Variants in KCNT2 observed in about 807,000 individuals in gnomAD.
The protein encoded by KCNT2 is potassium sodium-activated channel subfamily T member 2, also known as potassium channel subfamily T member 2.
KCNT2 carries 67 observed loss-of-function variants against 153.8 expected under a neutral mutation model. That is an observed-to-expected ratio of 0.44 (90% CI 0.36 to 0.53). The LOEUF is 0.53. KCNT2 is among the 20% of genes least tolerant of loss of function. The probability of loss-of-function intolerance (pLI) is 0.00; values close to 1 mark genes in which losing one functional copy is unlikely to be tolerated. For missense variants in KCNT2, 975 were observed against 1,354.8 expected, an observed-to-expected ratio of 0.72 and a Z score of 4.40; for synonymous variants, 500 against 458.8, an observed-to-expected ratio of 1.09 and a Z score of -1.15.
At chr1:196,334,862 C>T (rs1664862335) in intron 16 of KCNT2, among the ~76,000 whole-genome samples, 1 of 151,836 alleles carries the variant, frequency 6.6e-6, no homozygotes, top group Admixed American at 6.6e-5. Flanking sequence ...GGAGAGAAGG[C>T]CACTGTGAAG....
chr1:196,589,425 A>T (rs1572909750), intron 1 of KCNT2, among the ~76,000 whole-genome samples: 2 of 152,224 alleles, frequency 1.3e-5, no homozygotes, highest in East Asian at 3.9e-4. Context: ...AATGTCAAAA[A>T]TATATTTTTA....
intron 1 of KCNT2, among the ~76,000 whole-genome samples, chr1:196,512,441 T>A (rs1681708111): frequency 6.6e-6 from 1 of 152,154 alleles, no homozygotes; most frequent in African/African-American, 2.4e-5. Context: ...ATATCGAAAC[T>A]TAAATTCCTT....
intron 26 of KCNT2, chr1:196,257,240 T>C (rs1011353550): frequency 6.9e-5 from 68 of 985,044 alleles, no homozygotes; most frequent in African/African-American, 4.2e-4. Context: ...ATGCTATGCA[T>C]AGAGTAGTGC....
chr1:196,322,671 A>G (rs1188519613), intron 19 of KCNT2, among the ~76,000 whole-genome samples: 1 of 151,900 alleles, frequency 6.6e-6, no homozygotes, highest in African/African-American at 2.4e-5. Flanking sequence ...ATGAATTTGT[A>G]AAATTCAAGG....
intron 16 of KCNT2, among the ~76,000 whole-genome samples, chr1:196,334,487 C>CTTTCTTTTTTTTTT (rs1553288400): frequency 1.1e-5 from 1 of 87,262 alleles, no homozygotes; most frequent in African/African-American, 4.4e-5. Flanking sequence ...TTCTTTCTTT[C>CTTTCTTTTTTTTTT]TTTTTTTTTT....
intron 26 of KCNT2, among the ~76,000 whole-genome samples, chr1:196,251,989 C>T (rs1388934221): frequency 6.6e-6 from 1 of 151,646 alleles, no homozygotes; most frequent in Non-Finnish European, 1.5e-5. Context: ...GTTTTGCTTT[C>T]TTTAATGCCA....
At chr1:196,486,476 T>A (rs1479311360) in intron 3 of KCNT2, among the ~76,000 whole-genome samples, 1 of 151,886 alleles carries the variant, frequency 6.6e-6, no homozygotes, top group Non-Finnish European at 1.5e-5. Flanking sequence ...TATAGGAACT[T>A]AGTAATGTGG....
chr1:196,543,843 T>C (rs1164113209), intron 1 of KCNT2, among the ~76,000 whole-genome samples: 1 of 152,180 alleles, frequency 6.6e-6, no homozygotes, highest in Non-Finnish European at 1.5e-5. Context: ...TGTCTGCTTC[T>C]TAAATTAAAA....
At chr1:196,476,890 T>C (rs1678581171) in intron 5 of KCNT2, among the ~76,000 whole-genome samples, 1 of 152,162 alleles carries the variant, frequency 6.6e-6, no homozygotes, top group Non-Finnish European at 1.5e-5. Flanking sequence ...TGACACTCAA[T>C]TGTATTCCAT....
intron 26 of KCNT2, among the ~76,000 whole-genome samples, chr1:196,237,033 T>A (rs986223847): frequency 2.0e-5 from 3 of 151,598 alleles, no homozygotes; most frequent in Non-Finnish European, 4.4e-5. Flanking sequence ...AAGAAAGAAC[T>A]AAATTTTTCA....
At chr1:196,327,621 G>C (rs1338479601) in intron 18 of KCNT2, among the ~76,000 whole-genome samples, 2 of 149,142 alleles carry the variant, frequency 1.3e-5, no homozygotes, top group Non-Finnish European at 3.0e-5. Flanking sequence ...TGTGGGTTGA[G>C]ATTAGTTAGT....
At chr1:196,405,944 A>T (rs1053314355) in intron 12 of KCNT2, among the ~76,000 whole-genome samples, 1 of 151,574 alleles carries the variant, frequency 6.6e-6, no homozygotes, top group Non-Finnish European at 1.5e-5. Context: ...TCTTATGGCA[A>T]TCTGGAGAAC....
chr1:196,324,161 C>A (rs1663613768), intron 19 of KCNT2, among the ~76,000 whole-genome samples: 1 of 151,746 alleles, frequency 6.6e-6, no homozygotes, highest in South Asian at 2.1e-4. Flanking sequence ...AAAGTCAAAC[C>A]CTACAAGAAT....
intron 19 of KCNT2, among the ~76,000 whole-genome samples, chr1:196,323,135 G>A (rs1182393188): frequency 6.6e-6 from 1 of 151,870 alleles, no homozygotes; most frequent in African/African-American, 2.4e-5. Context: ...CATAAATTTA[G>A]AACTTAGATC....
At chr1:196,481,761 A>G (rs1572599639) in intron 4 of KCNT2, among the ~76,000 whole-genome samples, 2 of 152,306 alleles carry the variant, frequency 1.3e-5, no homozygotes, top group Admixed American at 1.3e-4. Context: ...CCTCAACAAT[A>G]TAAATCAGAC....
Position 196,342,122 on chromosome 1 carries a change from C to T in KCNT2, c.1510G>A (p.Glu504Lys). 2.5e-6 allele frequency: 4 copies of T among 1,611,380 alleles called. No homozygotes were observed. Among genetic ancestry groups the T allele is most frequent in the Non-Finnish European group, 3.4e-6 (4 of 1,178,652 alleles). ...LEESTFFAEY[E>K]GKSFTYASFH... ...GAGGCATATGTAAAACTCTTTCCTT[C>T]ATATTCAGCAAAAAATGTACTTTCT... Residue 504 changes from glutamate (E) to lysine (K), a missense_variant, in exon 15 of 28, where the codon GAA becomes AAA. By Grantham distance (56) the Glu-to-Lys change is moderately conservative (BLOSUM62 1). Coordinates refer to ENST00000294725, the MANE Select transcript of KCNT2 (RefSeq NM_198503.5).
chr1:196,528,574 C>T (rs147056495), intron 1 of KCNT2, among the ~76,000 whole-genome samples: 2 of 151,292 alleles, frequency 1.3e-5, no homozygotes, highest in African/African-American at 4.8e-5. Context: ...CTCATGGGTT[C>T]GTACCCATTT....
chr1:196,331,075 C>G (rs1415793212), intron 18 of KCNT2, 81 bp downstream of exon 18: 1 of 775,000 alleles, frequency 1.3e-6, no homozygotes, highest in East Asian at 2.5e-5. Context: ...AATCAAAATG[C>G]TGTACAAATT....
chr1:196,388,553 G>C lies in KCNT2; in HGVS notation c.1294+10010C>G, dbSNP rs146231470. 6.9e-4 allele frequency among the ~76,000 whole-genome samples: 105 copies of C among 151,542 alleles called. No homozygotes were observed. The East Asian group carries it at 0.019, about 27-fold the overall frequency. On this transcript the variant is annotated intron_variant, in intron 13 of 27. Coordinates refer to ENST00000294725, the MANE Select transcript of KCNT2 (RefSeq NM_198503.5). ...GTAAGCTACATTCTCAGCTTATTTA[G>C]CTCTTTAAGAATTTCTCTCAGCAAT...
Sources: allele counts gnomAD v4.1 joint callset (sites outside exome capture counted in the v4.1 genomes callset), GRCh38; gene constraint gnomAD v4.1.1; transcripts MANE v1.5; gene names NCBI Gene and HGNC (gene_info 2026-07-23, HGNC 2026-07-21).